GALK2: variants seen among roughly 807,000 people sequenced by gnomAD.
GALK2 encodes the protein N-acetylgalactosamine kinase.
GALK2 carries 36 observed loss-of-function variants against 52.4 expected under a neutral mutation model. That is an observed-to-expected ratio of 0.69 (90% CI 0.53 to 0.91). The LOEUF (loss-of-function observed/expected upper bound fraction) is 0.91, where lower values mean the gene tolerates loss of function less well. GALK2 is among the 40% of genes least tolerant of loss of function. GALK2 has a pLI of 0.00. For missense variants in GALK2, 579 were observed against 559.1 expected (o/e 1.04, Z -0.36); for synonymous variants, 176 against 199.1 (o/e 0.88, Z 0.98).
chr15:49,170,245 T>A, upstream of GALK2: 1 of 1,542,682 alleles, frequency 6.5e-7, no homozygotes, highest in Non-Finnish European at 8.8e-7. Context: ...ACGGCTCCTG[T>A]CACAGAAGTC....
intron 5 of GALK2, among the ~76,000 whole-genome samples, chr15:49,252,279 T>TAC (rs1053550006): frequency 5.9e-5 from 9 of 151,742 alleles, no homozygotes; most frequent in South Asian, 2.1e-4. Flanking sequence ...AAAAAAATTA[T>TAC]ACACACACAC....
At chr15:49,357,421 GAAAT>G (rs2043353237) in intron 3 of GALK2, among the ~76,000 whole-genome samples, 1 of 151,196 alleles carries the variant, frequency 6.6e-6, no homozygotes, top group Non-Finnish European at 1.5e-5. Flanking sequence ...CGATCCCACA[GAAAT>G]ACAAACTACC....
chr15:49,307,596 TACAGAAGCTTAGCA>T (rs2035649460), intron 8 of GALK2, among the ~76,000 whole-genome samples: 2 of 152,128 alleles, frequency 1.3e-5, no homozygotes, highest in African/African-American at 4.8e-5. Context: ...TGGAGTTATT[TACAGAAGCTTAGCA>T]TATGCCAGCG....
At chr15:49,325,112 A>G (rs977641295) in intron 9 of GALK2, among the ~76,000 whole-genome samples, 5 of 152,204 alleles carry the variant, frequency 3.3e-5, no homozygotes, top group Non-Finnish European at 7.3e-5. Context: ...GTTCACTTAA[A>G]AGTAGGAAAT....
At chr15:49,345,784 T>C (rs2041388192) in intron 3 of GALK2, among the ~76,000 whole-genome samples, 1 of 152,222 alleles carries the variant, frequency 6.6e-6, no homozygotes, top group Non-Finnish European at 1.5e-5. Context: ...TTCATCTCCC[T>C]TTATAATCAC....
chr15:49,340,697 C>T (rs761825515), intron 3 of GALK2, among the ~76,000 whole-genome samples: 28 of 152,262 alleles, frequency 1.8e-4, no homozygotes, highest in Non-Finnish European at 3.1e-4. Context: ...TGAATATTTT[C>T]TCCCATTCTG....
downstream of GALK2, chr15:49,334,180 A>G (rs1567089588): frequency 1.2e-6 from 1 of 834,548 alleles, no homozygotes; most frequent in Non-Finnish European, 1.4e-6. Context: ...TCAATTAAAG[A>G]TGATCTTAAG....
upstream of GALK2, among the ~76,000 whole-genome samples, chr15:49,167,902 T>G (rs968090970): frequency 2.0e-5 from 3 of 152,192 alleles, no homozygotes; most frequent in African/African-American, 7.2e-5. Context: ...CAGGTTATTT[T>G]AAGAGTAATC....
intron 2 of GALK2, among the ~76,000 whole-genome samples, chr15:49,207,264 T>A (rs2088373644): frequency 6.6e-6 from 1 of 152,224 alleles, no homozygotes; most frequent in African/African-American, 2.4e-5. Context: ...GATTTTAGCA[T>A]CTATGTTCAT....
intron 5 of GALK2, among the ~76,000 whole-genome samples, chr15:49,271,526 T>G (rs371660814): frequency 4.0e-4 from 61 of 152,342 alleles, no homozygotes; most frequent in Admixed American, 1.3e-3. Context: ...AGTATAGTAT[T>G]ATGCTTAAAA....
chr15:49,298,450 C>G (rs1454304473), intron 8 of GALK2, among the ~76,000 whole-genome samples: 1 of 151,992 alleles, frequency 6.6e-6, no homozygotes, highest in East Asian at 1.9e-4. Context: ...ACCTCCAATA[C>G]TATGTTGAAT....
intron 3 of GALK2, among the ~76,000 whole-genome samples, chr15:49,230,671 A>G (rs1387035241): frequency 3.9e-5 from 6 of 152,190 alleles, no homozygotes; most frequent in Non-Finnish European, 7.3e-5. Context: ...AGACACACAC[A>G]GGTGTCTTAT....
At chr15:49,348,967 TC>T (rs1023863737) in intron 3 of GALK2, among the ~76,000 whole-genome samples, 1 of 152,182 alleles carries the variant, frequency 6.6e-6, no homozygotes, top group African/African-American at 2.4e-5. Flanking sequence ...CCCTTATTCT[TC>T]CGTTGAGTCA....
upstream of GALK2, among the ~76,000 whole-genome samples, chr15:49,166,481 G>A (rs1340747280): frequency 6.6e-6 from 1 of 152,144 alleles, no homozygotes; most frequent in Non-Finnish European, 1.5e-5. Context: ...CACTTTGGGA[G>A]GCCGAGGCAG....
intron 5 of GALK2, among the ~76,000 whole-genome samples, chr15:49,274,943 A>C (rs2031413635): frequency 6.6e-6 from 1 of 151,942 alleles, no homozygotes; most frequent in African/African-American, 2.4e-5. Flanking sequence ...CCTCCCGAAG[A>C]CCTGTCTTGA....
chr15:49,177,753 T>C, intron 1 of GALK2: 1 of 793,952 alleles, frequency 1.3e-6, no homozygotes, highest in Non-Finnish European at 1.9e-6. Context: ...GCTTGTGGAC[T>C]GGTTTGGTGA....
At chr15:49,287,585 G>A (rs1015922055) in intron 7 of GALK2, among the ~76,000 whole-genome samples, 6 of 151,982 alleles carry the variant, frequency 3.9e-5, no homozygotes, top group African/African-American at 9.7e-5. Flanking sequence ...TTTGAAGATG[G>A]TCTCATTAAA....
chr15:49,171,774 C>CT (rs199923207), intron 1 of GALK2, among the ~76,000 whole-genome samples: 22,037 of 130,852 alleles, frequency 0.17, 2,113 homozygotes, highest in Non-Finnish European at 0.23. Context: ...GTAGTTTAGT[C>CT]TTATTTTTTT....
chr15:49,203,396 G>GTTAAGTT (rs1174458435), intron 2 of GALK2, among the ~76,000 whole-genome samples: 1 of 151,252 alleles, frequency 6.6e-6, no homozygotes, highest in Non-Finnish European at 1.5e-5. Context: ...CTACTGTTGA[G>GTTAAGTT]TTAAGTTTTT....
Sources: allele counts gnomAD v4.1 joint callset (sites outside exome capture counted in the v4.1 genomes callset), GRCh38; gene constraint gnomAD v4.1.1; transcripts MANE v1.5; gene names NCBI Gene and HGNC (gene_info 2026-07-23, HGNC 2026-07-21).